NF1: variants seen among roughly 807,000 people sequenced by gnomAD.
NF1 encodes the protein neurofibromin 1, also known as neurofibromin.
Under a neutral mutation model 325.7 loss-of-function variants are expected in NF1, and 122 were observed. That is an observed-to-expected ratio of 0.37 (90% CI 0.32 to 0.44). The LOEUF (loss-of-function observed/expected upper bound fraction) is 0.44, where lower values mean the gene tolerates loss of function less well. Ranked by LOEUF, NF1 falls within the 20% of genes least tolerant of loss-of-function variation. NF1 has a pLI of 1.00. For missense variants in NF1, 2,140 were observed against 3,415.4 expected (o/e 0.63, Z 9.31); for synonymous variants, 1,091 against 1,186.0 (o/e 0.92, Z 1.65).
intron 31 of NF1, among the ~76,000 whole-genome samples, chr17:31,256,116 T>C (rs1161844053): frequency 1.3e-5 from 2 of 152,144 alleles, no homozygotes; most frequent in African/African-American, 2.4e-5. Flanking sequence ...TAAAATGTTA[T>C]AGGTTTCTTT....
At chr17:31,269,130 G>A (rs1009076192) in intron 36 of NF1, among the ~76,000 whole-genome samples, 1 of 151,964 alleles carries the variant, frequency 6.6e-6, no homozygotes, top group Non-Finnish European at 1.5e-5. Flanking sequence ...TACTAATGTA[G>A]CATTATTCTC....
chr17:31,157,652 T>C (rs894518557), intron 2 of NF1, among the ~76,000 whole-genome samples: 4 of 152,060 alleles, frequency 2.6e-5, no homozygotes, highest in African/African-American at 9.7e-5. Flanking sequence ...TCTCTTGTTA[T>C]TTGAAACTAT....
intron 8 of NF1, among the ~76,000 whole-genome samples, chr17:31,198,466 T>G (rs2066471154): frequency 6.6e-6 from 1 of 152,252 alleles, no homozygotes; most frequent in Non-Finnish European, 1.5e-5. Context: ...TTCTATTTCC[T>G]CATGAGTTAG....
intron 11 of NF1, among the ~76,000 whole-genome samples, chr17:31,203,700 A>G (rs2066570899): frequency 6.6e-6 from 1 of 151,896 alleles, no homozygotes; most frequent in Non-Finnish European, 1.5e-5. Flanking sequence ...CGTAGTGTAA[A>G]TTTTTTTTCT....
At chr17:31,129,774 A>G (rs1915197219) in intron 1 of NF1, among the ~76,000 whole-genome samples, 1 of 152,000 alleles carries the variant, frequency 6.6e-6, no homozygotes, top group African/African-American at 2.4e-5. Flanking sequence ...GGTCGTTTAT[A>G]TTCTTTTCTA....
intron 33 of NF1, among the ~76,000 whole-genome samples, 170 bp downstream of exon 33, chr17:31,259,299 G>T (rs963531356): frequency 6.6e-6 from 1 of 152,092 alleles, no homozygotes; most frequent in Non-Finnish European, 1.5e-5. Context: ...AGACAGTCAT[G>T]AAATAAATTA....
intron 57 of NF1, chr17:31,367,410 A>G (rs2070546799): frequency 2.4e-6 from 1 of 415,288 alleles, no homozygotes; most frequent in South Asian, 2.3e-5. Context: ...GAACTTGTAA[A>G]GCCACCACTT....
chr17:31,349,358 A>T (rs746640361), intron 49 of NF1, 107 bp downstream of exon 49: 3 of 1,134,918 alleles, frequency 2.6e-6, no homozygotes, highest in Non-Finnish European at 3.8e-6. Context: ...GGCAGAGCAG[A>T]AAGTTCACAG....
chr17:31,352,802 A>G (rs2070183087), intron 51 of NF1, among the ~76,000 whole-genome samples: 2 of 152,238 alleles, frequency 1.3e-5, no homozygotes, highest in Non-Finnish European at 2.9e-5. Flanking sequence ...ATCTGAGAGA[A>G]TATATGAATA....
intron 12 of NF1, among the ~76,000 whole-genome samples, chr17:31,207,209 A>C (rs1457849478): frequency 6.6e-6 from 1 of 152,148 alleles, no homozygotes; most frequent in East Asian, 1.9e-4. Flanking sequence ...AGTATGACCC[A>C]TTGTAACTAC....
At chr17:31,158,763 A>G (rs1199555310) in intron 2 of NF1, among the ~76,000 whole-genome samples, 1 of 152,180 alleles carries the variant, frequency 6.6e-6, no homozygotes, top group East Asian at 1.9e-4. Context: ...AGCATGAAGC[A>G]AAACAGCATC....
chr17:31,345,329 CGGTCCCGGCGCTGG>C (rs1172008219), intron 48 of NF1, among the ~76,000 whole-genome samples: 1 of 152,160 alleles, frequency 6.6e-6, no homozygotes, highest in Non-Finnish European at 1.5e-5. Context: ...GCCTGCGACT[CGGTCCCGGCGCTGG>C]GCTGAGGGGA....
intron 29 of NF1, among the ~76,000 whole-genome samples, chr17:31,248,062 C>T (rs537519955): frequency 3.3e-5 from 5 of 152,096 alleles, no homozygotes; most frequent in Admixed American, 2.6e-4. Flanking sequence ...ATTAGCCGGG[C>T]GTGGTGGCCC....
At chr17:31,304,109 G>T in intron 36 of NF1, 1 of 662,100 alleles carries the variant, frequency 1.5e-6, no homozygotes, top group Non-Finnish European at 2.4e-6. Context: ...TTAAAAAAAA[G>T]TTTCATCTAT....
intron 17 of NF1, 107 bp downstream of exon 17, chr17:31,225,357 T>G (rs2066995531): frequency 7.9e-7 from 1 of 1,262,628 alleles, no homozygotes; most frequent in Admixed American, 1.7e-5. Flanking sequence ...AGTGAAAAAC[T>G]GCTTAGAATC....
intron 36 of NF1, chr17:31,318,449 A>T: frequency 6.2e-7 from 1 of 1,614,002 alleles, no homozygotes; most frequent in Admixed American, 1.7e-5. Flanking sequence ...TCAGCGGGCC[A>T]TAGACCGCTT....
At chr17:31,190,235 C>T (rs1309673082) in intron 8 of NF1, among the ~76,000 whole-genome samples, 5 of 151,388 alleles carry the variant, frequency 3.3e-5, no homozygotes, top group Non-Finnish European at 7.4e-5. Flanking sequence ...CCAGCCTGGG[C>T]GACAGAGCGA....
intron 8 of NF1, among the ~76,000 whole-genome samples, chr17:31,187,620 GT>G (rs2066265411): frequency 1.3e-5 from 2 of 152,278 alleles, no homozygotes; most frequent in East Asian, 3.9e-4. Flanking sequence ...CTGGAGCAAA[GT>G]TTTCCAGAAG....
At chr17:31,203,608 CATTT>C (rs1188292290) in intron 11 of NF1, among the ~76,000 whole-genome samples, 1 of 152,046 alleles carries the variant, frequency 6.6e-6, no homozygotes, top group East Asian at 1.9e-4. Flanking sequence ...CATTTGAAGA[CATTT>C]ATTATGGCAA....
Sources: allele counts gnomAD v4.1 joint callset (sites outside exome capture counted in the v4.1 genomes callset), GRCh38; gene constraint gnomAD v4.1.1; transcripts MANE v1.5; gene names NCBI Gene and HGNC (gene_info 2026-07-23, HGNC 2026-07-21).